DAB2: variants seen among roughly 807,000 people sequenced by gnomAD.
The protein encoded by DAB2 is disabled homolog 2.
Under a neutral mutation model 71.6 loss-of-function variants are expected in DAB2, and 28 were observed. That is an observed-to-expected ratio of 0.39 (90% CI 0.29 to 0.54). The LOEUF is 0.54. Ranked by LOEUF, DAB2 falls within the 20% of genes least tolerant of loss-of-function variation. The pLI is 0.68. For missense variants in DAB2, 867 were observed against 928.8 expected, an observed-to-expected ratio of 0.93 and a Z score of 0.86; for synonymous variants, 345 against 339.7, an observed-to-expected ratio of 1.02 and a Z score of -0.17.
chr5:39,424,620 G>GGCCACAAAACTGCTGGTT (rs936540116), intron 1 of DAB2, among the ~76,000 whole-genome samples, 184 bp downstream of exon 1: 1 of 150,924 alleles, frequency 6.6e-6, no homozygotes, highest in Admixed American at 6.6e-5. Flanking sequence ...TCAGATGTCA[G>GGCCACAAAACTGCTGGTT]GCCACAAAAC....
At chr5:39,396,736 C>T (rs747714146) in intron 1 of DAB2, among the ~76,000 whole-genome samples, 3 of 152,176 alleles carry the variant, frequency 2.0e-5, no homozygotes, top group Non-Finnish European at 4.4e-5. Context: ...GAATGTGATG[C>T]CTATGGGGTC....
rs1755235805 is a variant in DAB2 at position 39,391,907 on chromosome 5, T to A, written c.330+458A>T. 2.7e-5 allele frequency among the ~76,000 whole-genome samples: 4 copies of A among 149,354 alleles called. No individual in the cohort carries two copies. In the South Asian group the frequency reaches 8.4e-4, roughly 32 times the overall value. Reference sequence around the variant, plus strand: ...AGCCGGTAAGTTCACATGTAAGCAATACATAAAAGTGTCACAAACTAGGGG... The same window carrying A: ...AGCCGGTAAGTTCACATGTAAGCAAAACATAAAAGTGTCACAAACTAGGGG... On this transcript the variant is annotated intron_variant, in intron 4 of 14. Transcript: ENST00000320816.
In DAB2 at chr5:39,394,226, A is replaced by AT; in HGVS notation, c.91+3dup. 1 of 1,613,210 alleles carries AT rather than the reference A, an allele frequency of 6.2e-7. No individual in the cohort carries two copies. The highest frequency in any genetic ancestry group is 8.5e-7 in the Non-Finnish European group (1 of 1,179,228). On this transcript the variant is annotated splice_donor_region_variant and intron_variant, in intron 2 of 14. Coordinates refer to ENST00000320816, the MANE Select transcript of DAB2 (RefSeq NM_001343.4). ...TCCTTGGCTTCAAGTGGATTTCTCC[A>AT]TACCTTTCTTTTTTTCCTTCTTTGA...
intron 1 of DAB2, among the ~76,000 whole-genome samples, chr5:39,405,903 A>G (rs1755600214): frequency 6.6e-6 from 1 of 152,194 alleles, no homozygotes; most frequent in Non-Finnish European, 1.5e-5. Flanking sequence ...CAAGTCACCT[A>G]TGGAAGAAGC....
chr5:39,409,690 C>G (rs565240028), intron 1 of DAB2, among the ~76,000 whole-genome samples: 7 of 152,276 alleles, frequency 4.6e-5, no homozygotes, highest in African/African-American at 1.7e-4. Context: ...GCACACTCAG[C>G]AAGTTTGGAA....
At chr5:39,377,807 T>G (rs530366992) in intron 11 of DAB2, among the ~76,000 whole-genome samples, 2 of 152,200 alleles carry the variant, frequency 1.3e-5, no homozygotes, top group Non-Finnish European at 2.9e-5. Flanking sequence ...CAATCACACA[T>G]GTGCACAAGA....
At chr5:39,401,599 G>A (rs754212406) in intron 1 of DAB2, among the ~76,000 whole-genome samples, 1 of 152,092 alleles carries the variant, frequency 6.6e-6, no homozygotes, top group African/African-American at 2.4e-5. Context: ...AATATAGTTT[G>A]CTGAGCTATT....
intron 3 of DAB2, 28 bp from the exon 4 acceptor site, chr5:39,392,491 TTGAA>T: frequency 6.5e-7 from 1 of 1,544,278 alleles, no homozygotes; most frequent in Non-Finnish European, 8.9e-7. Context: ...ACAAGAGAAG[TTGAA>T]TTTTTAAAAA....
At chr5:39,380,741 G>A (rs1198552650) in intron 11 of DAB2, among the ~76,000 whole-genome samples, 1 of 152,178 alleles carries the variant, frequency 6.6e-6, no homozygotes, top group Non-Finnish European at 1.5e-5. Context: ...AATTAAGAGC[G>A]TCAATGCATA....
rs181222830 is a variant in DAB2 at position 39,424,239 on chromosome 5, A to T, written c.-102+565T>A. On this transcript the variant is annotated intron_variant, in intron 1 of 14. Coordinates refer to ENST00000320816, the MANE Select transcript of DAB2 (RefSeq NM_001343.4). ...AACCATGCTCCCTGCGCCGGGGGAT[A>T]TAAAACAAGTTTCTTAAGTCCCTTG... Among the ~76,000 whole-genome samples the T allele has an allele frequency of 4.8e-3, 728 of 151,306 alleles. 3 individuals carry two copies. Among genetic ancestry groups the T allele is most frequent in the Middle Eastern group, 0.014 (4 of 292 alleles).
At chr5:39,373,470 G>C (rs1466433421) in intron 14 of DAB2, 45 bp from the exon 15 acceptor site, 1 of 152,364 alleles carries the variant, frequency 6.6e-6, no homozygotes, top group Non-Finnish European at 1.5e-5. Flanking sequence ...TAGAATTTTT[G>C]AACTGAATAT....
At chr5:39,390,727 C>T in intron 4 of DAB2, 152 bp from the exon 5 acceptor site, 1 of 545,910 alleles carries the variant, frequency 1.8e-6, no homozygotes, top group South Asian at 2.8e-5. Flanking sequence ...AAGGCTAGAG[C>T]ATTACTCTTT....
chr5:39,379,584 CACATT>C (rs1754910902), intron 11 of DAB2, among the ~76,000 whole-genome samples: 1 of 151,734 alleles, frequency 6.6e-6, no homozygotes, highest in African/African-American at 2.4e-5. Context: ...ACACATTGAA[CACATT>C]GACAAAGTAG....
At position 39,377,164 on chromosome 5, in the gene DAB2, A is replaced by G; in HGVS notation, c.1623T>C (p.Ser541=). The G allele has an allele frequency of 6.2e-7, 1 of 1,614,142 alleles. No individual in the cohort carries two copies. Among genetic ancestry groups the G allele is most frequent in the Non-Finnish European group, 8.5e-7 (1 of 1,180,018 alleles). Residue 541 remains serine, a synonymous_variant, in exon 12 of 15, where the codon AGT becomes AGC. Coordinates refer to ENST00000320816, the MANE Select transcript of DAB2 (RefSeq NM_001343.4). ...GACTTGTACCAAAAATGACGGGCTG[A>G]CTAAAACCTGAAGGTTGACCACCCA... The part of the protein sequence containing the change: ...AMMGGQPSGF[S]QPVIFGTSPA...
At chr5:39,401,168 A>G (rs747222531) in intron 1 of DAB2, among the ~76,000 whole-genome samples, 9 of 152,226 alleles carry the variant, frequency 5.9e-5, no homozygotes, top group Non-Finnish European at 1.3e-4. Context: ...AGATTTTTAC[A>G]GCCTGTTTCA....
At chr5:39,380,433 C>T (rs539451536) in intron 11 of DAB2, among the ~76,000 whole-genome samples, 1 of 152,288 alleles carries the variant, frequency 6.6e-6, no homozygotes, top group South Asian at 2.1e-4. Flanking sequence ...GCAGAGAAAG[C>T]CAGGATCCCT....
At chr5:39,383,316 TGTG>T in intron 9 of DAB2, 45 bp from the exon 10 acceptor site, 1 of 1,424,706 alleles carries the variant, frequency 7.0e-7, no homozygotes, top group Non-Finnish European at 9.5e-7. Context: ...TAGTCCATGT[TGTG>T]ACTTCAAATG....
At chr5:39,413,992 C>T (rs1336254836) in intron 1 of DAB2, among the ~76,000 whole-genome samples, 1 of 152,174 alleles carries the variant, frequency 6.6e-6, no homozygotes, top group African/African-American at 2.4e-5. Context: ...TCAACACTTT[C>T]ATCTTAGGCA....
chr5:39,382,584 C>A, intron 10 of DAB2, 34 bp downstream of exon 10: 1 of 1,588,170 alleles, frequency 6.3e-7, no homozygotes, highest in African/African-American at 1.3e-5. Flanking sequence ...CGAACATGCA[C>A]TCTGCTAATG....
Sources: allele counts gnomAD v4.1 joint callset (sites outside exome capture counted in the v4.1 genomes callset), GRCh38; gene constraint gnomAD v4.1.1; transcripts MANE v1.5; gene names NCBI Gene and HGNC (gene_info 2026-07-23, HGNC 2026-07-21).